Variants in PTPRM observed in about 807,000 individuals in gnomAD.
PTPRM encodes protein tyrosine phosphatase receptor type M.
PTPRM carries 47 observed loss-of-function variants against 186.7 expected under a neutral mutation model. The ratio of observed to expected loss-of-function variants is 0.25; its 90% confidence interval spans 0.20 to 0.32. The LOEUF (loss-of-function observed/expected upper bound fraction) is 0.32. PTPRM is among the 10% of genes least tolerant of loss of function. The probability of loss-of-function intolerance (pLI) is 1.00; values close to 1 mark genes in which losing one functional copy is unlikely to be tolerated. For missense variants in PTPRM, 1,494 were observed against 1,865.0 expected, an observed-to-expected ratio of 0.80 and a Z score of 3.66; for synonymous variants, 668 against 674.9, an observed-to-expected ratio of 0.99 and a Z score of 0.16.
At chr18:8,337,967 G>C (rs1284256658) in intron 22 of PTPRM, among the ~76,000 whole-genome samples, 2 of 152,218 alleles carry the variant, frequency 1.3e-5, no homozygotes, top group Admixed American at 1.3e-4. Context: ...CTTCATAGAT[G>C]AGCCCTGGCT....
intron 2 of PTPRM, among the ~76,000 whole-genome samples, chr18:7,842,391 G>A (rs1339309597): frequency 6.6e-6 from 1 of 152,158 alleles, no homozygotes; most frequent in African/African-American, 2.4e-5. Context: ...CCAATGAAGT[G>A]TAGGTACTAT....
chr18:7,842,541 G>T (rs1292740588), intron 2 of PTPRM, among the ~76,000 whole-genome samples: 4 of 152,084 alleles, frequency 2.6e-5, no homozygotes, highest in African/African-American at 9.7e-5. Context: ...GGCTTGAGTT[G>T]AGATTAACAT....
At chr18:7,570,510 A>C (rs1430775122) in intron 1 of PTPRM, among the ~76,000 whole-genome samples, 1 of 152,220 alleles carries the variant, frequency 6.6e-6, no homozygotes, top group Non-Finnish European at 1.5e-5. Flanking sequence ...TGAATAAATC[A>C]CTAATGAGAA....
At chr18:8,389,185 C>G (rs2095796299) in intron 31 of PTPRM, among the ~76,000 whole-genome samples, 1 of 152,132 alleles carries the variant, frequency 6.6e-6, no homozygotes, top group Non-Finnish European at 1.5e-5. Flanking sequence ...GCAGTTACCC[C>G]TGCCTGCATC....
chr18:7,928,017 C>T (rs2051273021), intron 5 of PTPRM, among the ~76,000 whole-genome samples: 1 of 152,170 alleles, frequency 6.6e-6, no homozygotes, highest in Non-Finnish European at 1.5e-5. Flanking sequence ...GCTGGGATTA[C>T]AGGTGTGAGC....
At chr18:8,169,298 G>A (rs1486204967) in intron 14 of PTPRM, among the ~76,000 whole-genome samples, 1 of 151,592 alleles carries the variant, frequency 6.6e-6, no homozygotes, top group African/African-American at 2.4e-5. Context: ...GTTAACAAAT[G>A]GCTGCCCAAA....
chr18:8,168,571 T>C (rs2146424288), intron 14 of PTPRM, among the ~76,000 whole-genome samples: 3 of 152,322 alleles, frequency 2.0e-5, no homozygotes, highest in East Asian at 3.9e-4. Context: ...ATAAGTTAGT[T>C]CCATATTCAC....
rs771943813 is a variant in PTPRM, at chr18:8,379,354, T to C, written c.3786+14T>C. Reference sequence around the variant, plus strand: ...GCCCTCATGGACGTGAGTGCCCCGCTTCCCGCACGGGTCCGAGGCTGGGGT... The same window carrying C: ...GCCCTCATGGACGTGAGTGCCCCGCCTCCCGCACGGGTCCGAGGCTGGGGT... On this transcript the variant is annotated intron_variant, in intron 28 of 32. Coordinates refer to ENST00000580170, the MANE Select transcript of PTPRM (RefSeq NM_001105244.2). The C allele has an allele frequency of 1.9e-6, 3 of 1,595,698 alleles. No individual in the cohort carries two copies. The highest frequency in any genetic ancestry group is 1.3e-5 in the African/African-American group (1 of 74,620).
At chr18:8,385,718 C>G (rs984679587) in intron 30 of PTPRM, among the ~76,000 whole-genome samples, 1 of 152,186 alleles carries the variant, frequency 6.6e-6, no homozygotes, top group African/African-American at 2.4e-5. Context: ...TGGACTTTTG[C>G]TTTGAAGGAA....
intron 22 of PTPRM, among the ~76,000 whole-genome samples, chr18:8,337,484 A>C (rs1312378333): frequency 6.6e-6 from 1 of 152,188 alleles, no homozygotes; most frequent in Non-Finnish European, 1.5e-5. Context: ...GGCATTTAAC[A>C]CTAGGCTGAG....
chr18:7,750,780 A>G (rs1433152241), intron 1 of PTPRM, among the ~76,000 whole-genome samples: 2 of 152,142 alleles, frequency 1.3e-5, no homozygotes, highest in African/African-American at 4.8e-5. Flanking sequence ...CCTCCTTCAC[A>G]GCCTCTGTCT....
intron 2 of PTPRM, among the ~76,000 whole-genome samples, chr18:7,810,989 G>A (rs1180140145): frequency 2.6e-5 from 4 of 151,930 alleles, no homozygotes. Flanking sequence ...TTGAATACTT[G>A]TTTTATTTTA....
intron 2 of PTPRM, among the ~76,000 whole-genome samples, chr18:7,820,995 A>G (rs541657148): frequency 2.6e-5 from 4 of 152,042 alleles, no homozygotes; most frequent in Non-Finnish European, 5.9e-5. Flanking sequence ...AGAGTTCCAC[A>G]AGTCAGCCTG....
chr18:8,177,658 A>C (rs1172822173), intron 14 of PTPRM, among the ~76,000 whole-genome samples: 1 of 152,252 alleles, frequency 6.6e-6, no homozygotes, highest in African/African-American at 2.4e-5. Context: ...ACCCAGGGGC[A>C]TAAGGCTGAG....
intron 14 of PTPRM, among the ~76,000 whole-genome samples, chr18:8,240,498 A>AGG (rs1426297030): frequency 5.4e-4 from 12 of 22,332 alleles, no homozygotes; most frequent in East Asian, 8.4e-4. Flanking sequence ...AGAGAGAGAG[A>AGG]GAGGAAGGAA....
chr18:7,817,110 G>A (rs1022743729), intron 2 of PTPRM, among the ~76,000 whole-genome samples: 2 of 151,982 alleles, frequency 1.3e-5, no homozygotes, highest in African/African-American at 2.4e-5. Flanking sequence ...GAGTAGCTGG[G>A]ATTACAGACA....
At chr18:7,954,987 C>T (rs1331394943) in intron 6 of PTPRM, 134 bp from the exon 7 acceptor site, 2 of 956,670 alleles carry the variant, frequency 2.1e-6, no homozygotes, top group South Asian at 2.1e-5. Flanking sequence ...TCTTGTTAAC[C>T]CAAACAAAAT....
intron 14 of PTPRM, among the ~76,000 whole-genome samples, chr18:8,164,806 G>A (rs2093294023): frequency 6.6e-6 from 1 of 152,166 alleles, no homozygotes; most frequent in Non-Finnish European, 1.5e-5. Context: ...ATGACTCAAT[G>A]CCACTGAATT....
intron 14 of PTPRM, among the ~76,000 whole-genome samples, chr18:8,228,989 A>G (rs760890978): frequency 6.6e-6 from 1 of 152,188 alleles, no homozygotes; most frequent in Non-Finnish European, 1.5e-5. Flanking sequence ...AAGCCATGAA[A>G]TGTGAGAGTC....
Sources: gnomAD v4.1 joint callset for allele counts (sites outside exome capture counted in the v4.1 genomes callset) on GRCh38, gnomAD v4.1.1 for gene constraint, MANE v1.5 for transcripts, NCBI Gene and HGNC (gene_info 2026-07-23, HGNC 2026-07-21) for gene names.